CTNNA3: variants seen among roughly 807,000 people sequenced by gnomAD.
CTNNA3 encodes catenin alpha 3, also known as catenin alpha-3.
In CTNNA3, 76 loss-of-function variants were observed where a neutral mutation model predicts 95.7. The ratio of observed to expected loss-of-function variants is 0.79; its 90% CI spans 0.66 to 0.96. CTNNA3 has a LOEUF of 0.96. Ranked by LOEUF, CTNNA3 falls within the 40% of genes least tolerant of loss-of-function variation. The pLI, the probability that CTNNA3 is intolerant of heterozygous loss-of-function variation, is 0.00. For synonymous variants in CTNNA3, 431 were observed against 374.4 expected, an observed-to-expected ratio of 1.15 and a Z score of -1.74; for missense variants, 1,191 against 1,089.8, an observed-to-expected ratio of 1.09 and a Z score of -1.31.
At chr10:66,242,893 G>A (rs2090164423) in intron 13 of CTNNA3, among the ~76,000 whole-genome samples, 1 of 152,160 alleles carries the variant, frequency 6.6e-6, no homozygotes, top group South Asian at 2.1e-4. Flanking sequence ...TCCTTTAATA[G>A]AAGAATGGAT....
chr10:67,648,823 T>C, intron 1 of CTNNA3: 1 of 1,279,402 alleles, frequency 7.8e-7, no homozygotes, highest in Non-Finnish European at 1.0e-6. Flanking sequence ...TCAGCTGCAA[T>C]GTAAGAGACA....
At chr10:66,245,692 T>C (rs1589837772) in intron 13 of CTNNA3, among the ~76,000 whole-genome samples, 2 of 152,170 alleles carry the variant, frequency 1.3e-5, no homozygotes, top group Non-Finnish European at 2.9e-5. Flanking sequence ...CATCATTTTG[T>C]ACCTCTCAGC....
chr10:66,779,987 C>A (rs1258369184), intron 7 of CTNNA3, among the ~76,000 whole-genome samples: 2 of 151,996 alleles, frequency 1.3e-5, no homozygotes, highest in African/African-American at 4.8e-5. Flanking sequence ...ATGAAGGAAG[C>A]ATTCTTGAGT....
intron 12 of CTNNA3, among the ~76,000 whole-genome samples, chr10:66,338,892 A>G (rs1203704382): frequency 6.6e-6 from 1 of 151,912 alleles, no homozygotes; most frequent in African/African-American, 2.4e-5. Flanking sequence ...GCATGAAATA[A>G]TTTTAAAAAA....
intron 10 of CTNNA3, among the ~76,000 whole-genome samples, chr10:66,561,190 T>G (rs531982665): frequency 6.6e-6 from 1 of 152,140 alleles, no homozygotes; most frequent in African/African-American, 2.4e-5. Context: ...TATCTTTTTA[T>G]CTAAAATCAA....
intron 5 of CTNNA3, among the ~76,000 whole-genome samples, chr10:67,389,411 C>T (rs1311342859): frequency 1.3e-5 from 2 of 151,154 alleles, no homozygotes; most frequent in African/African-American, 4.9e-5. Context: ...ATTCATAAAG[C>T]AAGTCCTGAG....
In CTNNA3 at chr10:67,199,527, G is replaced by A. The variant is rs185519900; in HGVS notation, c.844-19007C>T. Among the ~76,000 whole-genome samples, 203 of 152,058 alleles carry A rather than the reference G, an allele frequency of 1.3e-3. 2 individuals are homozygous for A. Among genetic ancestry groups the A allele is most frequent in the African/African-American group, 4.8e-3 (199 of 41,482 alleles). ...TGGGACTACAGGCGCATGCCACCAC[G>A]CCTGGCTAATTTTTTGTATTTTTAG... On this transcript the variant is annotated intron_variant, in intron 6 of 17. Coordinates refer to ENST00000433211, the MANE Select transcript of CTNNA3 (RefSeq NM_013266.4).
chr10:66,199,792 TATATATATATATA>T (rs1393710746), intron 13 of CTNNA3, among the ~76,000 whole-genome samples: 10 of 16,272 alleles, frequency 6.1e-4, no homozygotes, highest in South Asian at 4.4e-3. Flanking sequence ...TATATATATA[TATATATATATATA>T]TTTTTTTTTT....
At chr10:66,968,528 A>AG (rs1849555973) in intron 7 of CTNNA3, among the ~76,000 whole-genome samples, 1 of 151,926 alleles carries the variant, frequency 6.6e-6, no homozygotes. Context: ...ATCTAAAAAA[A>AG]CGTGGTTAGA....
At chr10:67,583,661 C>G (rs996453781) in intron 3 of CTNNA3, among the ~76,000 whole-genome samples, 1 of 152,172 alleles carries the variant, frequency 6.6e-6, no homozygotes, top group Non-Finnish European at 1.5e-5. Context: ...TGTTTTCCAA[C>G]TTGGTTCCAT....
Position 66,687,734 on chromosome 10 carries a change from T to TACACAC in CTNNA3, c.1282-65956_1282-65951dup, listed in dbSNP as rs56196721. Among the ~76,000 whole-genome samples the TACACAC allele has an allele frequency of 7.1e-3, 1,061 of 148,896 alleles. 11 individuals are homozygous for TACACAC. The highest frequency in any genetic ancestry group is 7.3e-3 in the East Asian group (37 of 5,058). On this transcript the variant is annotated intron_variant, in intron 9 of 17. Transcript: ENST00000433211. ...ATATATATATACACACACACACACA[T>TACACAC]ACACACACACACACACATACCACTT...
intron 2 of CTNNA3, among the ~76,000 whole-genome samples, chr10:67,627,871 T>G (rs1839009832): frequency 6.6e-6 from 1 of 151,848 alleles, no homozygotes; most frequent in Non-Finnish European, 1.5e-5. Flanking sequence ...AACTACTGTA[T>G]ATGATAAACA....
intron 13 of CTNNA3, among the ~76,000 whole-genome samples, chr10:66,227,067 G>T (rs1162850205): frequency 6.6e-6 from 1 of 152,024 alleles, no homozygotes; most frequent in Non-Finnish European, 1.5e-5. Flanking sequence ...GTCTCACTGT[G>T]TAGCCCAGGC....
intron 13 of CTNNA3, among the ~76,000 whole-genome samples, chr10:66,255,898 G>A (rs569027336): frequency 6.6e-5 from 10 of 152,228 alleles, no homozygotes; most frequent in South Asian, 2.1e-4. Context: ...TTGTTTTAAC[G>A]TGGCAAGATA....
rs370726498 is a variant in CTNNA3 at position 67,150,649 on chromosome 10, A to T, written c.1047+29668T>A. 1.2e-4 allele frequency among the ~76,000 whole-genome samples: 19 copies of T among 152,320 alleles called. No homozygotes were observed. The South Asian group carries it at 3.7e-3, about 30-fold the overall frequency. On this transcript the variant is annotated intron_variant, in intron 7 of 17. Coordinates refer to ENST00000433211, the MANE Select transcript of CTNNA3 (RefSeq NM_013266.4). ...AGAGTTGAGATCATTAGAAGTCTTC[A>T]ACAGCTGTAAGAACATTCTCTTTTC...
intron 17 of CTNNA3, among the ~76,000 whole-genome samples, chr10:65,941,676 A>G (rs1185256167): frequency 1.3e-5 from 2 of 152,198 alleles, no homozygotes; most frequent in Non-Finnish European, 2.9e-5. Context: ...GGTTAGTTCC[A>G]CTGACTGCTC....
chr10:67,103,244 T>A (rs1858442269), intron 7 of CTNNA3, among the ~76,000 whole-genome samples: 1 of 151,892 alleles, frequency 6.6e-6, no homozygotes, highest in African/African-American at 2.4e-5. Context: ...CTTTCCCATA[T>A]CAATGTGAAT....
At chr10:67,728,203 T>G (rs993557233) in intron 1 of CTNNA3, among the ~76,000 whole-genome samples, 1 of 148,060 alleles carries the variant, frequency 6.8e-6, no homozygotes, top group East Asian at 2.0e-4. Context: ...CCTGTAATCC[T>G]AGCACTTTGG....
chr10:67,386,583 G>C (rs1241378288), intron 5 of CTNNA3, among the ~76,000 whole-genome samples: 3 of 152,102 alleles, frequency 2.0e-5, no homozygotes, highest in East Asian at 3.8e-4. Context: ...TAGATCCTAG[G>C]GGGAAGTGAA....
Sources: allele counts gnomAD v4.1 joint callset (sites outside exome capture counted in the v4.1 genomes callset), GRCh38; gene constraint gnomAD v4.1.1; transcripts MANE v1.5; gene names NCBI Gene and HGNC (gene_info 2026-07-23, HGNC 2026-07-21).